CDK7: variants seen among roughly 807,000 people sequenced by gnomAD.
CDK7 encodes cyclin dependent kinase 7, also known as cyclin-dependent kinase 7.
Under a neutral mutation model 49.1 loss-of-function variants are expected in CDK7, and 25 were observed. That is an observed-to-expected ratio of 0.51 (90% CI 0.37 to 0.71). CDK7 has a LOEUF of 0.71. Ranked by LOEUF, CDK7 falls within the 30% of genes least tolerant of loss-of-function variation. The pLI is 0.00. For missense variants in CDK7, 316 were observed against 411.7 expected, an observed-to-expected ratio of 0.77 and a Z score of 2.01; for synonymous variants, 107 against 140.0, an observed-to-expected ratio of 0.76 and a Z score of 1.67.
Position 69,235,007 on chromosome 5 carries a change from G to A in CDK7, c.32G>A (p.Arg11His), listed in dbSNP as rs555422765. 2.5e-6 allele frequency: 4 copies of A among 1,603,456 alleles called. No homozygotes were observed. The highest frequency in any genetic ancestry group is 3.4e-6 in the Non-Finnish European group (4 of 1,175,456). ...CTGGACGTGAAGTCTCGGGCAAAGC[G>A]TTATGAGAAGCTGGACTTCCTTGGG... MALDVKSRAK[R>H]YEKLDFLGEG... The change falls in exon 1 of 12, where the codon CGT (arginine) becomes CAT (histidine). Residue 11 changes from arginine to histidine, a missense_variant. Coordinates refer to ENST00000256443, the MANE Select transcript of CDK7 (RefSeq NM_001799.4).
chr5:69,241,168 T>C (rs1051499784), intron 2 of CDK7, among the ~76,000 whole-genome samples: 1 of 152,126 alleles, frequency 6.6e-6, no homozygotes, highest in African/African-American at 2.4e-5. Context: ...CAAACTGTCC[T>C]CCATAGTGGT....
chr5:69,245,388 C>T (rs918319347), intron 2 of CDK7, among the ~76,000 whole-genome samples: 2 of 150,002 alleles, frequency 1.3e-5, no homozygotes, highest in African/African-American at 2.5e-5. Flanking sequence ...TACCCAGGCC[C>T]TGGAGTGCAG....
chr5:69,246,767 C>T (rs1200752334), intron 2 of CDK7, among the ~76,000 whole-genome samples: 1 of 151,526 alleles, frequency 6.6e-6, no homozygotes, highest in African/African-American at 2.4e-5. Context: ...ACTGCTTTCC[C>T]CGTATCCCAA....
intron 2 of CDK7, among the ~76,000 whole-genome samples, chr5:69,244,258 T>G (rs888080157): frequency 4.6e-5 from 7 of 152,206 alleles, no homozygotes; most frequent in Non-Finnish European, 8.8e-5. Context: ...TGTGGGCATA[T>G]AGCAGGGCTA....
rs1199051388 is a variant in CDK7 at position 69,262,114 on chromosome 5, A to G, written c.528-91A>G. 2.6e-6 allele frequency: 4 copies of G among 1,544,916 alleles called. No individual in the cohort carries two copies. In the East Asian group the frequency reaches 9.0e-5, roughly 35 times the overall value. ...TTAAAGTAAGGGATTGCCTTTAAAAACAGAAAACAGACAAGGATCGTTCAT... is the reference window on the plus strand; with the variant it reads ...TTAAAGTAAGGGATTGCCTTTAAAAGCAGAAAACAGACAAGGATCGTTCAT... On this transcript the variant is annotated intron_variant, in intron 7 of 11. Coordinates refer to ENST00000256443, the MANE Select transcript of CDK7 (RefSeq NM_001799.4).
intron 8 of CDK7, among the ~76,000 whole-genome samples, chr5:69,263,031 CATT>C (rs1750935450): frequency 2.0e-5 from 3 of 152,092 alleles, no homozygotes; most frequent in Admixed American, 2.0e-4. Context: ...TGTGTGAGAC[CATT>C]ATTTTAGTTC....
rs756859822 is a variant in CDK7, at chr5:69,234,907, G to A, written c.-69G>A. 1.2e-5 allele frequency: 17 copies of A among 1,472,514 alleles called. No homozygotes were observed. The highest frequency in any genetic ancestry group is 1.6e-5 in the Non-Finnish European group (17 of 1,074,314). The allele number at this position is 1,472,514 out of a possible 1,614,324, so 91.2% of individuals were successfully genotyped here. ...CGGAAGTGGGTGTTGGAGGCTTTAA[G>A]GTAGCTTTAAATTCGTGTTGTCCTG... is the stretch of plus-strand genomic sequence containing the variant. On this transcript the variant is annotated 5_prime_UTR_variant, in exon 1 of 12. Coordinates refer to ENST00000256443, the MANE Select transcript of CDK7 (RefSeq NM_001799.4).
At chr5:69,241,624 C>T (rs1334224203) in intron 2 of CDK7, among the ~76,000 whole-genome samples, 2 of 152,098 alleles carry the variant, frequency 1.3e-5, no homozygotes, top group Non-Finnish European at 2.9e-5. Context: ...GGGCCCGGCC[C>T]TCATTGTAGT....
intron 8 of CDK7, 127 bp from the exon 9 acceptor site, chr5:69,269,080 C>T: frequency 3.4e-6 from 2 of 582,066 alleles, no homozygotes; most frequent in Non-Finnish European, 6.2e-6. Flanking sequence ...GAGGAAGTTG[C>T]AGTGAGCCAG....
intron 2 of CDK7, among the ~76,000 whole-genome samples, chr5:69,245,693 C>T (rs2150191445): frequency 6.6e-6 from 1 of 152,150 alleles, no homozygotes; most frequent in East Asian, 1.9e-4. Context: ...GGGCTTTTTG[C>T]TGGGAGATTT....
At chr5:69,235,966 C>T (rs1226979067) in intron 2 of CDK7, among the ~76,000 whole-genome samples, 2 of 152,164 alleles carry the variant, frequency 1.3e-5, no homozygotes, top group African/African-American at 2.4e-5. Flanking sequence ...TCGGGCCAGC[C>T]GCGGTGGCTC....
At chr5:69,261,522 G>C (rs891042555) in intron 7 of CDK7, among the ~76,000 whole-genome samples, 3 of 144,874 alleles carry the variant, frequency 2.1e-5, no homozygotes, top group Non-Finnish European at 4.6e-5. Flanking sequence ...GTGTGTGTGT[G>C]TGTATGTGTG....
chr5:69,263,859 T>C (rs1446870644), intron 8 of CDK7, among the ~76,000 whole-genome samples: 1 of 152,238 alleles, frequency 6.6e-6, no homozygotes, highest in Non-Finnish European at 1.5e-5. Context: ...GGTTAGAGAT[T>C]GTGGACCTGT....
intron 8 of CDK7, among the ~76,000 whole-genome samples, chr5:69,264,970 TA>T (rs1173324629): frequency 8.8e-4 from 104 of 118,462 alleles, no homozygotes; most frequent in Non-Finnish European, 8.3e-4. Context: ...AAATTCCGTC[TA>T]AAAAAAAAAA....
intron 5 of CDK7, chr5:69,256,080 A>G (rs1387034098): frequency 6.5e-6 from 1 of 153,938 alleles, no homozygotes; most frequent in Non-Finnish European, 1.4e-5. Context: ...TCAGCCTCCC[A>G]AAGTGCTAGG....
chr5:69,259,895 T>G lies in CDK7; in HGVS notation c.486T>G (p.Phe162Leu). 1 of 1,613,902 alleles carries G rather than the reference T, an allele frequency of 6.2e-7. No homozygotes were observed. Residue 162 changes from phenylalanine to leucine, a missense_variant, in exon 7 of 12, where the codon TTT becomes TTG. Physicochemically the swap from Phe to Leu is conservative, Grantham distance 22. Coordinates refer to ENST00000256443, the MANE Select transcript of CDK7 (RefSeq NM_001799.4). ...CAGATTTTGGCCTGGCCAAATCTTTTGGGAGCCCCAATAGAGCTTATACAC... is the reference window on the plus strand; with the variant it reads ...CAGATTTTGGCCTGGCCAAATCTTTGGGGAGCCCCAATAGAGCTTATACAC... Reference protein sequence around the residue: ...KLADFGLAKSFGSPNRAYTHQ... With the variant: ...KLADFGLAKSLGSPNRAYTHQ...
intron 8 of CDK7, among the ~76,000 whole-genome samples, chr5:69,268,785 G>A (rs1297741383): frequency 6.2e-5 from 9 of 144,106 alleles, no homozygotes; most frequent in South Asian, 2.2e-4. Context: ...CCCAGGAGGC[G>A]GAGCTTGAAC....
At position 69,276,701 on chromosome 5, in the gene CDK7, C is replaced by CAAATG. The variant is rs771081057; in HGVS notation, c.1012+12_1012+13insAATGA. 1 of 1,606,246 alleles carries CAAATG rather than the reference C, an allele frequency of 6.2e-7. No homozygotes were observed. Among genetic ancestry groups the CAAATG allele is most frequent in the Non-Finnish European group, 8.5e-7 (1 of 1,177,246 alleles). ...AGGCCTTAGAACAAGGTAAGATTCC[C>CAAATG]ACTTTTAAAAGAAATTAAATGAATT... is the stretch of plus-strand genomic sequence containing the variant. On this transcript the variant is annotated intron_variant, in intron 11 of 11. Coordinates refer to ENST00000256443, the MANE Select transcript of CDK7 (RefSeq NM_001799.4).
intron 8 of CDK7, among the ~76,000 whole-genome samples, chr5:69,263,643 G>A (rs1750970871): frequency 1.3e-5 from 2 of 152,250 alleles, no homozygotes; most frequent in African/African-American, 4.8e-5. Context: ...GAATCACAGT[G>A]CTAACAGGGG....
Sources: allele counts gnomAD v4.1 joint callset (sites outside exome capture counted in the v4.1 genomes callset), GRCh38; gene constraint gnomAD v4.1.1; transcripts MANE v1.5; gene names NCBI Gene and HGNC (gene_info 2026-07-23, HGNC 2026-07-21).